The following PIAS1 variants were observed in gnomAD, a reference collection of about 807,000 sequenced individuals.
PIAS1 encodes protein inhibitor of activated STAT 1.
Under a neutral mutation model 71.3 loss-of-function variants are expected in PIAS1, and 6 were observed. The ratio of observed to expected loss-of-function variants is 0.08; its 90% CI spans 0.05 to 0.17. PIAS1 has a LOEUF of 0.17. Among genes scored for constraint, PIAS1 ranks in the 10% least tolerant of loss-of-function variants. PIAS1 has a pLI of 1.00. For missense variants in PIAS1, 555 were observed against 793.6 expected (o/e 0.70, Z 3.61); for synonymous variants, 303 against 292.9 (o/e 1.03, Z -0.35).
At chr15:68,141,810 A>T in intron 2 of PIAS1, 136 bp from the exon 3 acceptor site, 1 of 574,426 alleles carries the variant, frequency 1.7e-6, no homozygotes. Context: ...CTTATTTTTC[A>T]GTGCTTTAAT....
chr15:68,160,015 C>T (rs1010515504), intron 7 of PIAS1, among the ~76,000 whole-genome samples: 32 of 152,068 alleles, frequency 2.1e-4, no homozygotes, highest in Non-Finnish European at 1.5e-5. Context: ...TTGTAGCCAT[C>T]GTGATTGGTA....
chr15:68,186,528 ATTT>A lies in PIAS1; in HGVS notation c.1663-1011_1663-1009del, dbSNP rs1425627559. Among the ~76,000 whole-genome samples, 2 of 152,178 alleles carry A rather than the reference ATTT, an allele frequency of 1.3e-5. No homozygotes were observed. ...AATTTATTATTGAAGAAAGAAAAAT[ATTT>A]TTAACACATTTAGTGTGGCCATAGT... On this transcript the variant is annotated intron_variant, in intron 13 of 13. Coordinates refer to ENST00000249636, the MANE Select transcript of PIAS1 (RefSeq NM_016166.3). This position sits in a 1 kb window ranked among gnomAD's most constrained non-coding sequence, Gnocchi z 4.4.
At chr15:68,111,941 C>G (rs868059535) in intron 2 of PIAS1, among the ~76,000 whole-genome samples, 2 of 152,146 alleles carry the variant, frequency 1.3e-5, no homozygotes, top group Admixed American at 1.3e-4. Context: ...CATACACTTT[C>G]TTAGGTGACT....
chr15:68,084,766 A>G (rs1193835943), intron 1 of PIAS1, among the ~76,000 whole-genome samples: 5 of 152,218 alleles, frequency 3.3e-5, no homozygotes, highest in South Asian at 2.1e-4. Context: ...GTTGTGTACC[A>G]TGGAGAACCC....
At chr15:68,146,791 A>G (rs2092811139) in intron 6 of PIAS1, 91 bp downstream of exon 6, 2 of 913,118 alleles carry the variant, frequency 2.2e-6, no homozygotes, top group East Asian at 4.9e-5. Context: ...ATTATGTAAA[A>G]TGAGCTGCAA....
chr15:68,090,927 G>GTGTGTGTGTGTGTGT (rs1555425137), intron 2 of PIAS1, among the ~76,000 whole-genome samples: 1 of 142,762 alleles, frequency 7.0e-6, no homozygotes, highest in African/African-American at 2.6e-5. Flanking sequence ...GTCATTTACG[G>GTGTGTGTGTGTGTGT]GTGTGTGTGT....
In PIAS1 at chr15:68,174,178, T is replaced by C. The variant is rs976322828; in HGVS notation, c.1169+286T>C. On this transcript the variant is annotated intron_variant, in intron 9 of 13. Coordinates refer to ENST00000249636, the MANE Select transcript of PIAS1 (RefSeq NM_016166.3). This position sits in a 1 kb window ranked among gnomAD's most constrained non-coding sequence, Gnocchi z 4.0. ...TTAAGCAGGGTGTGCTTATACCTTT[T>C]CCTTTTCCTGTCATTAGTCCATCCA... Among the ~76,000 whole-genome samples, 6 of 152,248 alleles carry C rather than the reference T, an allele frequency of 3.9e-5. No individual in the cohort carries two copies. Among genetic ancestry groups the C allele is most frequent in the African/African-American group, 7.2e-5 (3 of 41,468 alleles).
At chr15:68,180,752 C>G (rs779611871) in intron 11 of PIAS1, among the ~76,000 whole-genome samples, 1 of 152,188 alleles carries the variant, frequency 6.6e-6, no homozygotes, top group African/African-American at 2.4e-5. Flanking sequence ...CCGAACCACT[C>G]AGATTGCTTC....
At chr15:68,099,224 A>C (rs1051587518) in intron 2 of PIAS1, among the ~76,000 whole-genome samples, 14 of 148,138 alleles carry the variant, frequency 9.5e-5, no homozygotes, top group Non-Finnish European at 1.9e-4. Flanking sequence ...TACTCTCGTC[A>C]CTCAGGCTGG....
chr15:68,095,028 A>G (rs2092362002), intron 2 of PIAS1, among the ~76,000 whole-genome samples: 1 of 152,212 alleles, frequency 6.6e-6, no homozygotes, highest in African/African-American at 2.4e-5. Context: ...GATCTTGGGA[A>G]CTAAGAATGA....
At chr15:68,055,972 G>A (rs2091891813) in intron 1 of PIAS1, 4 of 694,132 alleles carry the variant, frequency 5.8e-6, no homozygotes, top group Admixed American at 2.0e-5. Flanking sequence ...TTTACTGAAG[G>A]GAGAGCAGAT....
chr15:68,065,600 A>G (rs191356461), intron 1 of PIAS1, among the ~76,000 whole-genome samples: 1 of 151,888 alleles, frequency 6.6e-6, no homozygotes, highest in East Asian at 1.9e-4. Flanking sequence ...AAAAAAAAAA[A>G]AAAGAAAAAA....
rs1210023171 is a variant in PIAS1, at chr15:68,189,215, A to T, written c.*1380A>T. 6.6e-6 allele frequency: 1 copy of T among 152,204 alleles called. No individual in the cohort carries two copies. Among genetic ancestry groups the T allele is most frequent in the Admixed American group, 6.5e-5 (1 of 15,282 alleles). 9.4% of individuals were successfully genotyped at this position (152,204 alleles called of 1,614,324 possible). On this transcript the variant is annotated 3_prime_UTR_variant, in exon 14 of 14. Coordinates refer to ENST00000249636, the MANE Select transcript of PIAS1 (RefSeq NM_016166.3). ...AACTGTTTTTCAGGAGAGAAATATG[A>T]GTTGGAGGGAAGGAAAAGTGGTTCT...
chr15:68,142,480 G>GA (rs1329169273), intron 4 of PIAS1, 143 bp downstream of exon 4: 6 of 596,022 alleles, frequency 1.0e-5, no homozygotes, highest in South Asian at 3.3e-5. Flanking sequence ...AGGGGAAATG[G>GA]AAAAAAAATT....
intron 6 of PIAS1, among the ~76,000 whole-genome samples, chr15:68,152,198 C>T (rs1003881640): frequency 6.6e-6 from 1 of 151,992 alleles, no homozygotes; most frequent in African/African-American, 2.4e-5. Context: ...ACCTACCCAC[C>T]TCAGCCTCCC....
chr15:68,151,499 A>G (rs1228330407), intron 6 of PIAS1, among the ~76,000 whole-genome samples: 1 of 152,030 alleles, frequency 6.6e-6, no homozygotes, highest in Non-Finnish European at 1.5e-5. Context: ...CAAGTAAATA[A>G]TAATGGTGAA....
chr15:68,105,865 T>C (rs2092464300), intron 2 of PIAS1, among the ~76,000 whole-genome samples: 1 of 152,180 alleles, frequency 6.6e-6, no homozygotes, highest in Admixed American at 6.5e-5. Flanking sequence ...TTATGGTTCT[T>C]AATGATAGTG....
intron 2 of PIAS1, among the ~76,000 whole-genome samples, chr15:68,111,914 C>T (rs1360186790): frequency 6.6e-6 from 1 of 152,108 alleles, no homozygotes. Context: ...CAGTATTACC[C>T]TAGTCCATAC....
chr15:68,060,214 A>T (rs1200076996), intron 1 of PIAS1, among the ~76,000 whole-genome samples: 1 of 152,118 alleles, frequency 6.6e-6, no homozygotes, highest in African/African-American at 2.4e-5. Flanking sequence ...CAGTGACCAC[A>T]TATTGCAAGT....
Sources: gnomAD v4.1 joint callset for allele counts (sites outside exome capture counted in the v4.1 genomes callset) on GRCh38, gnomAD v4.1.1 for gene constraint, Gnocchi (gnomAD v3.1) non-coding constraint, MANE v1.5 for transcripts, NCBI Gene and HGNC (gene_info 2026-07-23, HGNC 2026-07-21) for gene names.